Variants in CNMD observed in about 807,000 individuals in gnomAD.
The protein encoded by CNMD is leukocyte cell-derived chemotaxin 1.
A neutral mutation model predicts 37.5 loss-of-function variants in CNMD; 30 were observed. The observed-to-expected ratio is 0.80, with a 90% CI of 0.60 to 1.09. The LOEUF is 1.09. Among genes scored for constraint, CNMD ranks in the 50% least tolerant of loss-of-function variants. The pLI is 0.00. For synonymous variants in CNMD, 167 were observed against 148.2 expected (o/e 1.13, Z -0.92); for missense variants, 398 against 423.9 (o/e 0.94, Z 0.54).
At chr13:52,709,774 ACCAG>A (rs1318184775) in intron 5 of CNMD, among the ~76,000 whole-genome samples, 4 of 152,160 alleles carry the variant, frequency 2.6e-5, no homozygotes, top group Non-Finnish European at 5.9e-5. Context: ...GGAGTTCGAG[ACCAG>A]CCTGGTCAAC....
At chr13:52,730,482 CTGT>C (rs1964646719) in intron 3 of CNMD, among the ~76,000 whole-genome samples, 1 of 151,810 alleles carries the variant, frequency 6.6e-6, no homozygotes, top group Non-Finnish European at 1.5e-5. Context: ...TCTCCAGCAC[CTGT>C]TGTTTCCTGA....
intron 3 of CNMD, among the ~76,000 whole-genome samples, chr13:52,728,356 G>T (rs1269286818): frequency 1.6e-5 from 2 of 127,576 alleles, no homozygotes; most frequent in Non-Finnish European, 3.3e-5. Flanking sequence ...GCAGCCTGGC[G>T]ACAGAGCGAG....
At chr13:52,709,634 C>G (rs939491738) in intron 5 of CNMD, among the ~76,000 whole-genome samples, 1 of 152,088 alleles carries the variant, frequency 6.6e-6, no homozygotes, top group Non-Finnish European at 1.5e-5. Context: ...TCTAGTTTAC[C>G]ACATAGCCTC....
At chr13:52,708,881 G>T (rs183511806) in intron 5 of CNMD, among the ~76,000 whole-genome samples, 179 bp from the exon 6 acceptor site, 2,347 of 141,690 alleles carry the variant, frequency 0.017, 62 homozygotes, top group African/African-American at 0.055. Context: ...TGGGCTAATA[G>T]TTAAACATAC....
intron 6 of CNMD, among the ~76,000 whole-genome samples, chr13:52,706,025 T>C (rs1964168621): frequency 6.6e-6 from 1 of 152,384 alleles, no homozygotes; most frequent in East Asian, 1.9e-4. Flanking sequence ...TTTTCTAAAA[T>C]ATTTTTAAAA....
chr13:52,727,724 C>T (rs187387165), intron 3 of CNMD, among the ~76,000 whole-genome samples: 1 of 152,226 alleles, frequency 6.6e-6, no homozygotes. Flanking sequence ...TATGTTCTCT[C>T]TCCTATGTGG....
chr13:52,712,683 T>C (rs1292944580), intron 5 of CNMD, 33 bp downstream of exon 5: 8 of 1,417,772 alleles, frequency 5.6e-6, no homozygotes, highest in African/African-American at 4.3e-5. Context: ...ACAGGGAAAG[T>C]TGTAAACAGC....
chr13:52,733,627 T>C, intron 2 of CNMD: 1 of 495,684 alleles, frequency 2.0e-6, no homozygotes, highest in Non-Finnish European at 3.8e-6. Context: ...GGCTGTACTT[T>C]AGAAGCATCT....
intron 3 of CNMD, 39 bp downstream of exon 3, chr13:52,733,180 T>G: frequency 6.2e-7 from 1 of 1,611,120 alleles, no homozygotes; most frequent in Non-Finnish European, 8.5e-7. Context: ...CCCGCAGGCT[T>G]GCCTGGTTAA....
chr13:52,714,126 G>A (rs1964332921), intron 4 of CNMD, among the ~76,000 whole-genome samples: 2 of 152,168 alleles, frequency 1.3e-5, no homozygotes, highest in Admixed American at 1.3e-4. Context: ...AAGGGAAGTC[G>A]TGGTTGGCAT....
intron 3 of CNMD, among the ~76,000 whole-genome samples, chr13:52,728,789 G>A (rs971453148): frequency 6.6e-6 from 1 of 152,176 alleles, no homozygotes; most frequent in African/African-American, 2.4e-5. Flanking sequence ...GGAATCTAGT[G>A]TTAAGTTGGT....
chr13:52,706,575 A>G lies in CNMD; in HGVS notation c.789+1961T>C, dbSNP rs528021528. ...CAGGGAAATAATTTATAGCCATGAA[A>G]GCATAACTAAATTTCTGTACATTTA... On this transcript the variant is annotated intron_variant, in intron 6 of 6. Coordinates refer to ENST00000377962, the MANE Select transcript of CNMD (RefSeq NM_007015.3). 3.3e-5 allele frequency among the ~76,000 whole-genome samples: 5 copies of G among 152,348 alleles called. No individual in the cohort carries two copies. The South Asian group carries it at 1.0e-3, about 32-fold the overall frequency.
Position 52,703,749 on chromosome 13 carries a change from A to C in CNMD, c.851T>G (p.Ile284Arg), listed in dbSNP as rs1050433922. The C allele has an allele frequency of 3.7e-6, 6 of 1,613,770 alleles. No individual in the cohort carries two copies. The highest frequency in any genetic ancestry group is 2.7e-5 in the African/African-American group (2 of 74,930). The change falls in exon 7 of 7, where the codon ATA becomes AGA. Residue 284 changes from isoleucine to arginine, a missense_variant. Ile to Arg is a moderately conservative substitution (Grantham distance 97). Transcript: ENST00000377962. Reference protein sequence around the residue: ...PRLDHEGICCIECRRSYTHCQ... With the variant: ...PRLDHEGICCRECRRSYTHCQ... ...GTGGGTGTAGCTCCGCCTACATTCT[A>C]TACAACAGATTCCTTCGTGATCCAG...
intron 3 of CNMD, among the ~76,000 whole-genome samples, chr13:52,724,342 G>A (rs1347737288): frequency 6.7e-6 from 1 of 150,084 alleles, no homozygotes; most frequent in Non-Finnish European, 1.5e-5. Flanking sequence ...GGGAGGCCAA[G>A]GCAGGCAGAT....
chr13:52,734,232 T>G (rs897194092), intron 2 of CNMD, among the ~76,000 whole-genome samples: 3 of 152,182 alleles, frequency 2.0e-5, no homozygotes, highest in Non-Finnish European at 4.4e-5. Context: ...CATAGGTGGC[T>G]TTCATCTATG....
In CNMD at chr13:52,703,398, C is replaced by G. The variant is rs530692435; in HGVS notation, c.*197G>C. The stretch of plus-strand genomic sequence containing the variant: ...GGGGTTATGGCATTTTAGACTTGAA[C>G]TACCCTTTCAGTACATTTGCATATA... On this transcript the variant is annotated 3_prime_UTR_variant, in exon 7 of 7. Transcript: ENST00000377962. 2.1e-6 allele frequency: 1 copy of G among 486,746 alleles called. No individual in the cohort carries two copies. Among genetic ancestry groups the G allele is most frequent in the Non-Finnish European group, 3.7e-6 (1 of 272,678 alleles). The allele number at this position is 486,746 out of a possible 1,614,324, so 30.2% of individuals were successfully genotyped here. A position where few individuals can be genotyped will look rare whatever the true frequency, so the allele number is the denominator to read the frequency against.
In CNMD at chr13:52,703,523, C is replaced by T; in HGVS notation, c.*72G>A. The T allele has an allele frequency of 9.3e-7, 1 of 1,071,934 alleles. No homozygotes were observed. The allele number at this position is 1,071,934 out of a possible 1,614,324, so 66.4% of individuals were successfully genotyped here. ...TATTTTGTGGTCCTATCAGCATCAA[C>T]CTGCCTTAATGCTTCTTTGGTTGTC... On this transcript the variant is annotated 3_prime_UTR_variant, in exon 7 of 7. Transcript: ENST00000377962.
chr13:52,704,127 A>C (rs1409443102), intron 6 of CNMD, among the ~76,000 whole-genome samples: 1 of 152,228 alleles, frequency 6.6e-6, no homozygotes, highest in Non-Finnish European at 1.5e-5. Flanking sequence ...GCTTGTTTTA[A>C]GTAGGAAAGC....
In CNMD at chr13:52,727,565, G is replaced by A. The variant is rs1964595540; in HGVS notation, c.355-3455C>T. ...TGTAGTCCCAGCTACTTGGAAGGGA[G>A]AAGGATCACTGGTATATATATATAT... is the stretch of plus-strand genomic sequence containing the variant. On this transcript the variant is annotated intron_variant, in intron 3 of 6. Coordinates refer to ENST00000377962, the MANE Select transcript of CNMD (RefSeq NM_007015.3). 1.3e-5 allele frequency among the ~76,000 whole-genome samples: 2 copies of A among 152,076 alleles called. 1 individual carries two copies. The highest frequency in any genetic ancestry group is 2.9e-5 in the Non-Finnish European group (2 of 68,010).
Sources: gnomAD v4.1 joint callset for allele counts (sites outside exome capture counted in the v4.1 genomes callset) on GRCh38, gnomAD v4.1.1 for gene constraint, MANE v1.5 for transcripts, NCBI Gene and HGNC (gene_info 2026-07-23, HGNC 2026-07-21) for gene names.